The following TENM4 variants were observed in gnomAD, a reference collection of about 807,000 sequenced individuals.
TENM4 encodes the protein teneurin-4.
TENM4 carries 82 observed loss-of-function variants against 243.3 expected under a neutral mutation model. That is an observed-to-expected ratio of 0.34 (90% CI 0.28 to 0.40). The LOEUF is 0.40. TENM4 is among the 10% of genes least tolerant of loss of function. The pLI is 1.00. For missense variants in TENM4, 3,138 were observed against 3,673.3 expected (o/e 0.85, Z 3.77); for synonymous variants, 1,412 against 1,456.3 (o/e 0.97, Z 0.69).
intron 3 of TENM4, among the ~76,000 whole-genome samples, chr11:79,165,751 C>A (rs943668439): frequency 1.3e-5 from 2 of 152,088 alleles, no homozygotes; most frequent in African/African-American, 2.4e-5. Context: ...ATGTTATCTT[C>A]GAGAATTTTT....
intron 1 of TENM4, among the ~76,000 whole-genome samples, chr11:79,407,281 T>C (rs76398701): frequency 0.011 from 1,709 of 152,344 alleles, 33 homozygotes; most frequent in African/African-American, 0.039. Flanking sequence ...AAAACTGTTT[T>C]ATAAAACTGA....
intron 6 of TENM4, among the ~76,000 whole-genome samples, chr11:78,949,788 G>T (rs1044446110): frequency 9.2e-5 from 14 of 152,144 alleles, no homozygotes; most frequent in South Asian, 2.1e-4. Context: ...AGCCTGGTCT[G>T]GTTAGTTGTG....
chr11:79,064,949 G>T lies in TENM4; in HGVS notation c.282C>A (p.Thr94=), dbSNP rs1012177217. The T allele has an allele frequency of 5.4e-6, 8 of 1,495,278 alleles. No individual in the cohort carries two copies. The highest frequency in any genetic ancestry group is 6.3e-6 in the Non-Finnish European group (7 of 1,116,602). The allele number at this position is 1,495,278 out of a possible 1,614,324, so 92.6% of individuals were successfully genotyped here. A position where few individuals can be genotyped will look rare whatever the true frequency, so the allele number is the denominator to read the frequency against. Reference sequence around the variant, plus strand: ...GGAGGCCAATGTCTGTCCGGTACAGGGTCCCGTGAGGGGGCGTTACTTCTT... The same window carrying T: ...GGAGGCCAATGTCTGTCCGGTACAGTGTCCCGTGAGGGGGCGTTACTTCTT... The part of the protein sequence containing the change: ...GLEEVTPPHG[T]LYRTDIGLPH... The change falls in exon 6 of 34, where the codon ACC becomes ACA. Residue 94 remains threonine (T), a synonymous_variant. Coordinates refer to ENST00000278550, the MANE Select transcript of TENM4 (RefSeq NM_001098816.3).
At chr11:79,238,912 G>C (rs540342) in intron 2 of TENM4, among the ~76,000 whole-genome samples, 95,606 of 152,042 alleles carry the variant, frequency 0.63, 31,527 homozygotes, top group East Asian at 0.89. Context: ...GTAATCCCAG[G>C]TATTCAGGAG....
At chr11:78,938,113 T>C (rs1244595799) in intron 6 of TENM4, among the ~76,000 whole-genome samples, 2 of 152,194 alleles carry the variant, frequency 1.3e-5, no homozygotes, top group African/African-American at 4.8e-5. Flanking sequence ...AATCAAAAAC[T>C]TTCCATGGCT....
intron 2 of TENM4, among the ~76,000 whole-genome samples, chr11:79,271,639 G>C (rs1294487485): frequency 6.6e-6 from 1 of 152,176 alleles, no homozygotes; most frequent in East Asian, 1.9e-4. Flanking sequence ...GCTGGGTGGA[G>C]CCCAGGTCTT....
chr11:79,189,114 A>T (rs1393995039), intron 3 of TENM4, among the ~76,000 whole-genome samples: 1 of 152,224 alleles, frequency 6.6e-6, no homozygotes, highest in Non-Finnish European at 1.5e-5. Flanking sequence ...TTTTGTATGA[A>T]TGTAAACACA....
intron 4 of TENM4, among the ~76,000 whole-genome samples, chr11:79,087,377 T>A (rs899336150): frequency 6.6e-6 from 1 of 152,150 alleles, no homozygotes; most frequent in Non-Finnish European, 1.5e-5. Context: ...ATTCCATATG[T>A]TTGAGGAATG....
At chr11:79,085,414 T>C (rs1461602126) in intron 4 of TENM4, among the ~76,000 whole-genome samples, 2 of 151,012 alleles carry the variant, frequency 1.3e-5, no homozygotes, top group Non-Finnish European at 2.9e-5. Flanking sequence ...TGGGTCAGGC[T>C]TTTTTGAGTC....
At chr11:78,967,056 A>G (rs1336294578) in intron 6 of TENM4, among the ~76,000 whole-genome samples, 1 of 151,882 alleles carries the variant, frequency 6.6e-6, no homozygotes, top group Non-Finnish European at 1.5e-5. Context: ...CTACCACCCT[A>G]TATGTCTCTT....
rs11418108 is a variant in TENM4, at chr11:79,201,502, CAA to C, written c.-163+14304_-163+14305del. Among the ~76,000 whole-genome samples, 856 of 145,582 alleles carry C rather than the reference CAA, an allele frequency of 5.9e-3. 5 individuals carry two copies. Among genetic ancestry groups the C allele is most frequent in the African/African-American group, 0.018 (726 of 39,578 alleles). ...GAAGGTCAAAAGAGAAATAACCAGG[CAA>C]AAAAAAAAAAAATTCTGAAAATCAT... On this transcript the variant is annotated intron_variant, in intron 3 of 33. Transcript: ENST00000278550.
Position 79,297,526 on chromosome 11 carries a change from G to T in TENM4, c.-303C>A, listed in dbSNP as rs1399612484. 2.0e-5 allele frequency: 3 copies of T among 152,602 alleles called. No individual in the cohort carries two copies. The highest frequency in any genetic ancestry group is 2.9e-5 in the Non-Finnish European group (2 of 68,040). The allele number at this position is 152,602 out of a possible 1,614,324, so 9.5% of individuals were successfully genotyped here. A position where few individuals can be genotyped will look rare whatever the true frequency, so the allele number is the denominator to read the frequency against. On this transcript the variant is annotated 5_prime_UTR_variant, in exon 2 of 34. Transcript: ENST00000278550. ...GTCTGAGAGATCACTAGCCCTCTCT[G>T]ATTCTCAGTTTTTCCATCTGCAAAA... is the stretch of plus-strand genomic sequence containing the variant.
chr11:79,148,351 G>C (rs554543546), intron 4 of TENM4, among the ~76,000 whole-genome samples: 2 of 152,070 alleles, frequency 1.3e-5, no homozygotes, highest in African/African-American at 4.8e-5. Flanking sequence ...AAAATCCTAA[G>C]TGTGGGGAGA....
At chr11:79,066,752 ACG>A (rs1244590975) in intron 5 of TENM4, among the ~76,000 whole-genome samples, 1 of 126,386 alleles carries the variant, frequency 7.9e-6, no homozygotes, top group Non-Finnish European at 1.7e-5. Flanking sequence ...GCACACACGC[ACG>A]CACAAGCACG....
At chr11:79,062,547 C>A (rs557516420) in intron 6 of TENM4, among the ~76,000 whole-genome samples, 1 of 152,128 alleles carries the variant, frequency 6.6e-6, no homozygotes. Context: ...CTCTAAGAAG[C>A]CCTGCAGTAA....
intron 6 of TENM4, among the ~76,000 whole-genome samples, chr11:79,025,204 T>C (rs927253756): frequency 2.0e-5 from 3 of 152,162 alleles, no homozygotes; most frequent in Non-Finnish European, 4.4e-5. Flanking sequence ...GTAGGGGTCA[T>C]ATTCATGTCT....
chr11:79,274,542 T>C (rs79199752), intron 2 of TENM4, among the ~76,000 whole-genome samples: 1,965 of 152,276 alleles, frequency 0.013, 22 homozygotes, highest in Middle Eastern at 0.024. Flanking sequence ...CTTGGTAAAA[T>C]GGTTAAGAGA....
At chr11:79,188,865 G>A (rs980868467) in intron 3 of TENM4, among the ~76,000 whole-genome samples, 1 of 152,142 alleles carries the variant, frequency 6.6e-6, no homozygotes, top group African/African-American at 2.4e-5. Flanking sequence ...GACCAGATGT[G>A]GGGAAATCTT....
At chr11:79,414,735 T>C (rs550751142) in intron 1 of TENM4, among the ~76,000 whole-genome samples, 1 of 152,214 alleles carries the variant, frequency 6.6e-6, no homozygotes, top group Non-Finnish European at 1.5e-5. Flanking sequence ...TATAAATGGA[T>C]CTGAAACACA....
Sources: gnomAD v4.1 joint callset for allele counts (sites outside exome capture counted in the v4.1 genomes callset) on GRCh38, gnomAD v4.1.1 for gene constraint, MANE v1.5 for transcripts, NCBI Gene and HGNC (gene_info 2026-07-23, HGNC 2026-07-21) for gene names.